TWF2: variants seen among roughly 807,000 people sequenced by gnomAD.
The protein encoded by TWF2 is twinfilin actin binding protein 2, also known as twinfilin-2.
TWF2 carries 15 observed loss-of-function variants against 45.1 expected under a neutral mutation model. The ratio of observed to expected loss-of-function variants is 0.33; its 90% CI spans 0.22 to 0.51. TWF2 has a LOEUF of 0.51. Among genes scored for constraint, TWF2 ranks in the 20% least tolerant of loss-of-function variants. The probability of loss-of-function intolerance (pLI) is 0.97; values close to 1 mark genes in which losing one functional copy is unlikely to be tolerated. For missense variants in TWF2, 423 were observed against 469.1 expected (o/e 0.90, Z 0.91); for synonymous variants, 177 against 195.8 (o/e 0.90, Z 0.80).
chr3:52,230,010 G>T lies in TWF2; in HGVS notation c.670C>A (p.Gln224Lys). 6.2e-7 allele frequency: 1 copy of T among 1,611,782 alleles called. No individual in the cohort carries two copies. ...LVHTEPTDVAQLPSRVPRDAA... is the reference protein window; with the variant it reads ...LVHTEPTDVAKLPSRVPRDAA... The stretch of plus-strand genomic sequence containing the variant: ...TCTCGGGGCACCCGGGAGGGCAGCT[G>T]GGCCACATCCGTGGGCTCTGTGTGC... Residue 224 changes from glutamine to lysine, a missense_variant, in exon 7 of 9, where the codon CAG becomes AAG. Gln to Lys is a moderately conservative substitution (Grantham distance 53). Transcript: ENST00000305533.
At chr3:52,229,861 G>A in intron 7 of TWF2, 59 bp downstream of exon 7, 1 of 1,594,458 alleles carries the variant, frequency 6.3e-7, no homozygotes, top group African/African-American at 1.3e-5. Context: ...CTGCCCCACT[G>A]CAGACCAGCC....
chr3:52,232,249 C>A, intron 2 of TWF2, 127 bp from the exon 3 acceptor site: 1 of 1,176,026 alleles, frequency 8.5e-7, no homozygotes, highest in Non-Finnish European at 1.2e-6. Flanking sequence ...TTCCCTGGAG[C>A]CCCCAGGTCC....
chr3:52,238,476 GAGACGCGCTCCAACTGTGCACACACAC>G (rs1190358516), intron 1 of TWF2, among the ~76,000 whole-genome samples: 2 of 152,158 alleles, frequency 1.3e-5, no homozygotes, highest in Admixed American at 1.3e-4. Context: ...AATGCACACT[GAGACGCGCTCCAACTGTGCACACACAC>G]AGACACCCAC....
At position 52,231,003 on chromosome 3, in the gene TWF2, T is replaced by C; in HGVS notation, c.484-8A>G. 2 of 1,608,728 alleles carry C rather than the reference T, an allele frequency of 1.2e-6. No individual in the cohort carries two copies. Among genetic ancestry groups the C allele is most frequent in the East Asian group, 2.2e-5 (1 of 44,688 alleles). On this transcript the variant is annotated splice_region_variant and splice_polypyrimidine_tract_variant and intron_variant, in intron 5 of 8. Transcript: ENST00000305533. ...ACTGATCTCTGTCTTCACCTGTGGGTAGGGGAATGGTGAGGGAGGCCCTCA... is the reference window on the plus strand; with the variant it reads ...ACTGATCTCTGTCTTCACCTGTGGGCAGGGGAATGGTGAGGGAGGCCCTCA...
Position 52,239,039 on chromosome 3 carries a change from G to T in TWF2, c.-23C>A. On this transcript the variant is annotated 5_prime_UTR_variant, in exon 1 of 9. Transcript: ENST00000305533. ...CATGGCTCGGCGCTTCGCTCCGTCC[G>T]CGCCGTCGGAGCCCTCCGCTTGACC... The T allele has an allele frequency of 6.3e-7, 1 of 1,593,626 alleles. No homozygotes were observed. Among genetic ancestry groups the T allele is most frequent in the Non-Finnish European group, 8.5e-7 (1 of 1,177,404 alleles).
At position 52,228,698 on chromosome 3, in the gene TWF2, C is replaced by A; in HGVS notation, c.*336G>T. 3.1e-6 allele frequency: 1 copy of A among 319,500 alleles called. No homozygotes were observed. The highest frequency in any genetic ancestry group is 5.8e-6 in the Non-Finnish European group (1 of 172,324). The allele number at this position is 319,500 out of a possible 1,614,324, so 19.8% of individuals were successfully genotyped here. A position where few individuals can be genotyped will look rare whatever the true frequency, so the allele number is the denominator to read the frequency against. ...ACCCCTGCCCCAGCCCTGACTGACC[C>A]CACTTCTTGTGGCCAAAGGTTTCTG... On this transcript the variant is annotated 3_prime_UTR_variant, in exon 9 of 9. Coordinates refer to ENST00000305533, the MANE Select transcript of TWF2 (RefSeq NM_007284.4).
In TWF2 at chr3:52,231,243, G is replaced by C. The variant is rs164636; in HGVS notation, c.379-12C>G. On this transcript the variant is annotated splice_polypyrimidine_tract_variant and intron_variant, in intron 4 of 8. Transcript: ENST00000305533. ...AAAGAGAGGTCATCCTGCAGGGGTGGGGGTGAATGCAGAGCCATAAATGGG... is the reference window on the plus strand; with the variant it reads ...AAAGAGAGGTCATCCTGCAGGGGTGCGGGTGAATGCAGAGCCATAAATGGG... The C allele has an allele frequency of 0.044, 70,727 of 1,613,704 alleles. 1,797 individuals carry two copies. Among genetic ancestry groups the C allele is most frequent in the Non-Finnish European group, 0.05 (58,425 of 1,179,678 alleles).
intron 2 of TWF2, among the ~76,000 whole-genome samples, chr3:52,232,800 T>C (rs1699691622): frequency 1.3e-5 from 2 of 152,142 alleles, no homozygotes. Flanking sequence ...GCGGATCGCC[T>C]GAGGTTGGGA....
At chr3:52,237,532 A>T (rs1002505685) in intron 1 of TWF2, among the ~76,000 whole-genome samples, 1 of 152,098 alleles carries the variant, frequency 6.6e-6, no homozygotes, top group African/African-American at 2.4e-5. Context: ...GGCCTGTCTC[A>T]CTATGGGAAA....
chr3:52,232,507 G>A (rs966556219), intron 2 of TWF2, among the ~76,000 whole-genome samples: 7 of 152,038 alleles, frequency 4.6e-5, no homozygotes, highest in Non-Finnish European at 7.4e-5. Flanking sequence ...CAGTCCCCAC[G>A]AAACTGCCTC....
intron 8 of TWF2, 46 bp from the exon 9 acceptor site, chr3:52,229,247 C>A (rs1416484501): frequency 6.3e-7 from 1 of 1,596,484 alleles, no homozygotes; most frequent in Non-Finnish European, 8.5e-7. Context: ...GGGGCTCTGA[C>A]ACACACCACC....
chr3:52,237,526 T>C (rs1190902503), intron 1 of TWF2, among the ~76,000 whole-genome samples: 1 of 152,020 alleles, frequency 6.6e-6, no homozygotes, highest in African/African-American at 2.4e-5. Context: ...TCGGTGGGCC[T>C]GTCTCACTAT....
rs1699678721 is a variant in TWF2, at chr3:52,231,549, A to G, written c.283-10T>C. The G allele has an allele frequency of 6.2e-7, 1 of 1,610,804 alleles. No homozygotes were observed. Among genetic ancestry groups the G allele is most frequent in the Admixed American group, 1.7e-5 (1 of 59,786 alleles). On this transcript the variant is annotated splice_polypyrimidine_tract_variant and intron_variant, in intron 3 of 8. Transcript: ENST00000305533. ...GCATCTTCAGCCGCACCTGAAGGGC[A>G]AGGGCCAAACCGTAAGAGGCCTCTG... is the stretch of plus-strand genomic sequence containing the variant.
rs998828114 is a variant in TWF2 at position 52,238,931 on chromosome 3, G to GA, written c.25+60_25+61insT. The GA allele has an allele frequency of 1.4e-3, 2,156 of 1,562,850 alleles. 2 individuals are homozygous for GA. The highest frequency in any genetic ancestry group is 1.7e-3 in the Non-Finnish European group (1,990 of 1,158,126). Reference sequence around the variant, plus strand: ...GGGTGGAGGGAGGGGCCGAGAGCCGGGGGGGGGCGCTTCCGAGAGCCCAGA... The same window carrying GA: ...GGGTGGAGGGAGGGGCCGAGAGCCGGAGGGGGGGCGCTTCCGAGAGCCCAGA... On this transcript the variant is annotated intron_variant, in intron 1 of 8. Transcript: ENST00000305533.
chr3:52,235,186 G>A, intron 1 of TWF2, 80 bp from the exon 2 acceptor site: 1 of 1,447,336 alleles, frequency 6.9e-7, no homozygotes, highest in South Asian at 1.2e-5. Flanking sequence ...TGTCCCACAG[G>A]GTCTGGTGGC....
At chr3:52,229,281 C>A in intron 8 of TWF2, 80 bp from the exon 9 acceptor site, 1 of 1,547,128 alleles carries the variant, frequency 6.5e-7, no homozygotes. Context: ...ACTCCTGGGG[C>A]ACCCCTTACT....
In TWF2 at chr3:52,228,679, GC is replaced by G; in HGVS notation, c.*354del. 1 of 286,084 alleles carries G rather than the reference GC, an allele frequency of 3.5e-6. No individual in the cohort carries two copies. 17.7% of individuals were successfully genotyped at this position (286,084 alleles called of 1,614,324 possible). A position where few individuals can be genotyped will look rare whatever the true frequency, so the allele number is the denominator to read the frequency against. Reference sequence around the variant, plus strand: ...ACCATCCCAAACTGCAGTGACCCCTGCCCCAGCCCTGACTGACCCCACTTCT... The same window carrying G: ...ACCATCCCAAACTGCAGTGACCCCTGCCCAGCCCTGACTGACCCCACTTCT... On this transcript the variant is annotated 3_prime_UTR_variant, in exon 9 of 9. Transcript: ENST00000305533.
intron 8 of TWF2, 22 bp from the exon 9 acceptor site, chr3:52,229,223 T>A: frequency 6.2e-7 from 1 of 1,607,084 alleles, no homozygotes; most frequent in Non-Finnish European, 8.5e-7. Flanking sequence ...AAGGCAGTGG[T>A]CACCCCAATG....
rs542373367 is a variant in TWF2, at chr3:52,229,867, C to T, written c.760+53G>A. 8 of 1,592,700 alleles carry T rather than the reference C, an allele frequency of 5.0e-6. No homozygotes were observed. The African/African-American group carries it at 1.1e-4, about 21-fold the overall frequency. ...AGAGCAGGCCTGCCCCACTGCAGACCAGCCCTGCTCCCACCCAGCCACAGG... is the reference window on the plus strand; with the variant it reads ...AGAGCAGGCCTGCCCCACTGCAGACTAGCCCTGCTCCCACCCAGCCACAGG... On this transcript the variant is annotated intron_variant, in intron 7 of 8. Coordinates refer to ENST00000305533, the MANE Select transcript of TWF2 (RefSeq NM_007284.4).
Sources: allele counts gnomAD v4.1 joint callset (sites outside exome capture counted in the v4.1 genomes callset), GRCh38; gene constraint gnomAD v4.1.1; transcripts MANE v1.5; gene names NCBI Gene and HGNC (gene_info 2026-07-23, HGNC 2026-07-21).